Variants in CMKLR2 observed in about 807,000 individuals in gnomAD.
The protein encoded by CMKLR2 is chemerin-like receptor 2.
In CMKLR2, 18 loss-of-function variants were observed where a neutral mutation model predicts 23.0. The ratio of observed to expected loss-of-function variants is 0.78; its 90% CI spans 0.54 to 1.16. The LOEUF (loss-of-function observed/expected upper bound fraction) is 1.16, where lower values mean the gene tolerates loss of function less well. Among genes scored for constraint, CMKLR2 ranks in the 50% most tolerant of loss-of-function variants. The pLI is 0.00. For missense variants in CMKLR2, 401 were observed against 412.7 expected (o/e 0.97, Z 0.25); for synonymous variants, 158 against 158.9 (o/e 0.99, Z 0.05).
At chr2:206,198,104 C>T (rs990962720) in intron 1 of CMKLR2, among the ~76,000 whole-genome samples, 1 of 152,126 alleles carries the variant, frequency 6.6e-6, no homozygotes, top group Non-Finnish European at 1.5e-5. Context: ...GGAAGAGCAG[C>T]GTAGGACCTT....
At chr2:206,193,500 C>T (rs573523825) in intron 1 of CMKLR2, among the ~76,000 whole-genome samples, 4 of 152,330 alleles carry the variant, frequency 2.6e-5, no homozygotes, top group African/African-American at 7.2e-5. Context: ...TGTAACTTTA[C>T]ATTTGTAGGG....
chr2:206,202,320 T>G (rs939910069), intron 1 of CMKLR2, among the ~76,000 whole-genome samples: 5 of 152,182 alleles, frequency 3.3e-5, no homozygotes, highest in African/African-American at 1.2e-4. Flanking sequence ...CTAAGTTTTT[T>G]GAAGGGATGG....
In CMKLR2 at chr2:206,198,015, T is replaced by C. The variant is rs570509726; in HGVS notation, c.-29+15292A>G. Among the ~76,000 whole-genome samples, 5 of 152,336 alleles carry C rather than the reference T, an allele frequency of 3.3e-5. No individual in the cohort carries two copies. In the South Asian group the frequency reaches 1.0e-3, roughly 32 times the overall value. ...CAGTGGAATATTTTCCATGTTGGTT[T>C]TCCCCCTTGATCCACCCAAAAGTTC... On this transcript the variant is annotated intron_variant, in intron 1 of 1. Coordinates refer to ENST00000621141, the MANE Select transcript of CMKLR2 (RefSeq NM_001389445.1).
intron 1 of CMKLR2, among the ~76,000 whole-genome samples, chr2:206,178,667 T>G (rs1206026498): frequency 6.6e-6 from 1 of 152,178 alleles, no homozygotes; most frequent in Non-Finnish European, 1.5e-5. Context: ...GTTTGTTTGT[T>G]TTTTTGAGAC....
chr2:206,205,178 C>A (rs1213366874), intron 1 of CMKLR2, among the ~76,000 whole-genome samples: 1 of 152,186 alleles, frequency 6.6e-6, no homozygotes, highest in African/African-American at 2.4e-5. Context: ...TGATTCTGAG[C>A]AGATTCCACT....
intron 1 of CMKLR2, among the ~76,000 whole-genome samples, chr2:206,207,026 C>T (rs551460141): frequency 6.6e-6 from 1 of 150,938 alleles, no homozygotes; most frequent in South Asian, 2.1e-4. Context: ...CTTCCTTGGA[C>T]CAGCACTTCT....
chr2:206,190,112 A>G (rs1688703988), intron 1 of CMKLR2, among the ~76,000 whole-genome samples: 1 of 150,118 alleles, frequency 6.7e-6, no homozygotes, highest in Non-Finnish European at 1.5e-5. Flanking sequence ...AACCCCTGGC[A>G]TAGCTTATCC....
intron 1 of CMKLR2, among the ~76,000 whole-genome samples, chr2:206,211,550 C>T (rs1689562322): frequency 1.3e-5 from 2 of 151,838 alleles, no homozygotes; most frequent in Admixed American, 6.6e-5. Flanking sequence ...AACTCCTGGC[C>T]ATATCTTATC....
rs66681603 is a variant in CMKLR2 at position 206,206,917 on chromosome 2, CT to C, written c.-29+6389del. On this transcript the variant is annotated intron_variant, in intron 1 of 1. Transcript: ENST00000621141. ...AGTTCCTGTTTCAGTCCCCCTGCCC[CT>C]TTTTTTTTTTTTTTTTTAATCAAAA... Among the ~76,000 whole-genome samples, 79 of 126,132 alleles carry C rather than the reference CT, an allele frequency of 6.3e-4. 1 individual carries two copies. Among genetic ancestry groups the C allele is most frequent in the East Asian group, 2.8e-3 (12 of 4,318 alleles). The allele number at this position is 126,132 out of a possible 152,430, so 82.7% of individuals were successfully genotyped here.
At chr2:206,191,809 C>T in intron 1 of CMKLR2, among the ~76,000 whole-genome samples, 1 of 149,396 alleles carries the variant, frequency 6.7e-6, no homozygotes, top group Non-Finnish European at 1.5e-5. Flanking sequence ...GCTGGGACCA[C>T]AGAGGCATGT....
upstream of CMKLR2, among the ~76,000 whole-genome samples, chr2:206,215,042 C>T (rs1689710331): frequency 6.6e-6 from 1 of 152,122 alleles, no homozygotes; most frequent in Non-Finnish European, 1.5e-5. Flanking sequence ...TTTTTTTCCG[C>T]TGTTAAAGAC....
chr2:206,205,675 C>G (rs1689287170), intron 1 of CMKLR2, among the ~76,000 whole-genome samples: 1 of 151,522 alleles, frequency 6.6e-6, no homozygotes, highest in Non-Finnish European at 1.5e-5. Flanking sequence ...GCCACTTTTA[C>G]ACAGTGTTCG....
chr2:206,180,584 A>G (rs1366870659), intron 1 of CMKLR2, among the ~76,000 whole-genome samples: 1 of 151,902 alleles, frequency 6.6e-6, no homozygotes, highest in African/African-American at 2.4e-5. Context: ...ACAGAAGTAC[A>G]TCACCATGCC....
At chr2:206,209,647 C>CTT (rs71034424) in intron 1 of CMKLR2, among the ~76,000 whole-genome samples, 12 of 134,846 alleles carry the variant, frequency 8.9e-5, no homozygotes, top group African/African-American at 3.0e-4. Flanking sequence ...TCTTTTCTTT[C>CTT]TTTTTTTTTT....
intron 1 of CMKLR2, among the ~76,000 whole-genome samples, chr2:206,187,024 A>G (rs1235779216): frequency 2.6e-5 from 4 of 152,102 alleles, no homozygotes; most frequent in Middle Eastern, 3.2e-3. Flanking sequence ...CCCTGCCTCT[A>G]TGAAAATAAG....
intron 1 of CMKLR2, among the ~76,000 whole-genome samples, chr2:206,179,393 T>A (rs1688338555): frequency 7.0e-6 from 1 of 143,544 alleles, no homozygotes; most frequent in Non-Finnish European, 1.5e-5. Flanking sequence ...TTTTTTTTTT[T>A]TTTGAGACGG....
At chr2:206,203,044 C>A (rs930209541) in intron 1 of CMKLR2, among the ~76,000 whole-genome samples, 2 of 151,480 alleles carry the variant, frequency 1.3e-5, no homozygotes, top group Admixed American at 6.6e-5. Flanking sequence ...AGGCCGGGCA[C>A]GGTGGCTCAC....
rs1432445503 is a variant in CMKLR2, at chr2:206,183,823, T to A, written c.-28-6548A>T. On this transcript the variant is annotated intron_variant, in intron 1 of 1. Coordinates refer to ENST00000621141, the MANE Select transcript of CMKLR2 (RefSeq NM_001389445.1). ...TTGAAGACATACTCTTGTTTACCTATTATAACTTGTTTGGCCACTGCTTTA... is the reference window on the plus strand; with the variant it reads ...TTGAAGACATACTCTTGTTTACCTAATATAACTTGTTTGGCCACTGCTTTA... 1.1e-4 allele frequency among the ~76,000 whole-genome samples: 16 copies of A among 152,322 alleles called. No homozygotes were observed. The South Asian group carries it at 1.5e-3, about 14-fold the overall frequency.
chr2:206,209,792 G>C (rs1198813033), intron 1 of CMKLR2, among the ~76,000 whole-genome samples: 1 of 150,974 alleles, frequency 6.6e-6, no homozygotes, highest in African/African-American at 2.4e-5. Context: ...GGGACTACAG[G>C]CGCCCGCCAC....
Sources: gnomAD v4.1 joint callset for allele counts (sites outside exome capture counted in the v4.1 genomes callset) on GRCh38, gnomAD v4.1.1 for gene constraint, MANE v1.5 for transcripts, NCBI Gene and HGNC (gene_info 2026-07-23, HGNC 2026-07-21) for gene names.